The following WIPF2 variants were observed in gnomAD, a reference collection of about 807,000 sequenced individuals.
WIPF2 encodes the protein WAS/WASL interacting protein family member 2, also known as WAS/WASL-interacting protein family member 2.
A neutral mutation model predicts 38.8 loss-of-function variants in WIPF2; 23 were observed. The ratio of observed to expected loss-of-function variants is 0.59; its 90% confidence interval spans 0.43 to 0.84. The LOEUF is 0.84. WIPF2 is among the 40% of genes least tolerant of loss of function. WIPF2 has a pLI of 0.00. For missense variants in WIPF2, 574 were observed against 580.5 expected (o/e 0.99, Z 0.11); for synonymous variants, 210 against 223.2 (o/e 0.94, Z 0.53).
At chr17:40,259,730 G>A (rs1421886324) in intron 2 of WIPF2, among the ~76,000 whole-genome samples, 1 of 152,118 alleles carries the variant, frequency 6.6e-6, no homozygotes, top group Admixed American at 6.6e-5. Flanking sequence ...TTGTTTACTA[G>A]TTGCATGACC....
intron 5 of WIPF2, among the ~76,000 whole-genome samples, chr17:40,265,432 A>C (rs558786316): frequency 2.6e-5 from 4 of 152,194 alleles, no homozygotes; most frequent in Non-Finnish European, 5.9e-5. Context: ...CGGGATGATG[A>C]TATCTTTAAT....
chr17:40,253,493 T>C (rs879401660), intron 1 of WIPF2, among the ~76,000 whole-genome samples: 1 of 152,188 alleles, frequency 6.6e-6, no homozygotes, highest in Non-Finnish European at 1.5e-5. Context: ...ACTTCTTGTG[T>C]TTTCTTTATT....
chr17:40,242,507 C>T (rs1454594572), intron 1 of WIPF2, among the ~76,000 whole-genome samples: 1 of 152,150 alleles, frequency 6.6e-6, no homozygotes, highest in Non-Finnish European at 1.5e-5. Flanking sequence ...TCAAGTGATT[C>T]TCCTGCCTCA....
In WIPF2 at chr17:40,265,038, C is replaced by G. The variant is rs759735569; in HGVS notation, c.862C>G (p.Pro288Ala). 8 of 1,614,088 alleles carry G rather than the reference C, an allele frequency of 5.0e-6. No individual in the cohort carries two copies. The highest frequency in any genetic ancestry group is 6.8e-6 in the Non-Finnish European group (8 of 1,180,032). ...ACACAATTCTTTGCATAGGAAGACA[C>G]CAGGGCCTGTCAGAGGCCTAGCACC... ...QRHNSLHRKT[P>A]GPVRGLAPPP... Residue 288 changes from proline (P) to alanine (A), a missense_variant, in exon 5 of 8, where the codon CCA becomes GCA. Pro to Ala is a conservative substitution (Grantham distance 27, BLOSUM62 -1). Transcript: ENST00000323571.
At chr17:40,259,634 G>A (rs973420624) in intron 2 of WIPF2, among the ~76,000 whole-genome samples, 5 of 152,142 alleles carry the variant, frequency 3.3e-5, no homozygotes, top group Non-Finnish European at 7.4e-5. Flanking sequence ...AGGTTAAATT[G>A]AAGTAATAGG....
chr17:40,237,213 C>CT (rs1397223692), intron 1 of WIPF2, among the ~76,000 whole-genome samples: 3 of 146,270 alleles, frequency 2.1e-5, no homozygotes, highest in African/African-American at 5.0e-5. Context: ...GGTTGGTACT[C>CT]TAATTTTTTT....
rs543483293 is a variant in WIPF2 at position 40,268,854 on chromosome 17, C to T, written c.970+3708C>T. Among the ~76,000 whole-genome samples the T allele has an allele frequency of 4.6e-4, 70 of 152,176 alleles. 1 individual carries two copies. Among genetic ancestry groups the T allele is most frequent in the African/African-American group, 1.6e-3 (66 of 41,518 alleles). The stretch of plus-strand genomic sequence containing the variant: ...CAGATCACTGATTCTCTTTTCTCAC[C>T]GATTCTCTTTTCTCACCTGTAAAAT... On this transcript the variant is annotated intron_variant, in intron 5 of 7. Coordinates refer to ENST00000323571, the MANE Select transcript of WIPF2 (RefSeq NM_133264.5).
chr17:40,271,630 A>G (rs2032249614), intron 5 of WIPF2, among the ~76,000 whole-genome samples: 2 of 152,200 alleles, frequency 1.3e-5, no homozygotes, highest in African/African-American at 4.8e-5. Flanking sequence ...AGTGTGGGAG[A>G]GTAGAAAGAG....
chr17:40,268,842 C>G (rs760274195), intron 5 of WIPF2, among the ~76,000 whole-genome samples: 38 of 152,120 alleles, frequency 2.5e-4, no homozygotes, highest in Admixed American at 1.3e-4. Flanking sequence ...ATCACTGATT[C>G]TCTTTTCTCA....
At chr17:40,237,084 A>G (rs974917348) in intron 1 of WIPF2, among the ~76,000 whole-genome samples, 4 of 151,942 alleles carry the variant, frequency 2.6e-5, no homozygotes, top group African/African-American at 7.3e-5. Context: ...GCTTATTTCA[A>G]TCTATCCTGG....
At position 40,264,620 on chromosome 17, in the gene WIPF2, G is replaced by A. The variant is rs766205832; in HGVS notation, c.444G>A (p.Leu148=). The A allele has an allele frequency of 6.2e-7, 1 of 1,614,072 alleles. No individual in the cohort carries two copies. Among genetic ancestry groups the A allele is most frequent in the South Asian group, 1.1e-5 (1 of 91,090 alleles). Residue 148 remains leucine, a synonymous_variant, in exon 5 of 8, where the codon CTG becomes CTA. Transcript: ENST00000323571. ...TDSSRASLPE[L]PRMQRPSLPD... ...GCAGCCGGGCCTCACTCCCAGAACT[G>A]CCCCGGATGCAGAGACCCTCTTTAC...
intron 1 of WIPF2, among the ~76,000 whole-genome samples, chr17:40,250,229 T>TG (rs2031511954): frequency 8.9e-6 from 1 of 112,188 alleles, no homozygotes; most frequent in Non-Finnish European, 1.9e-5. Flanking sequence ...GTTTTTTTTT[T>TG]TTTTTTTTTT....
intron 1 of WIPF2, among the ~76,000 whole-genome samples, chr17:40,221,608 T>G (rs2030243565): frequency 1.3e-5 from 2 of 148,588 alleles, no homozygotes; most frequent in South Asian, 4.3e-4. Flanking sequence ...TAAGACGGAG[T>G]CTCGCTCTTT....
intron 1 of WIPF2, among the ~76,000 whole-genome samples, chr17:40,235,157 A>G (rs989129705): frequency 6.6e-6 from 1 of 151,758 alleles, no homozygotes; most frequent in Non-Finnish European, 1.5e-5. Context: ...GGCCTCCCAA[A>G]GTGCTGGGAT....
chr17:40,230,261 C>T (rs147481381), intron 1 of WIPF2, among the ~76,000 whole-genome samples: 106 of 152,196 alleles, frequency 7.0e-4, no homozygotes, highest in African/African-American at 2.4e-3. Flanking sequence ...ATCACTTGAG[C>T]CCCAGGAGAG....
At position 40,280,952 on chromosome 17, in the gene WIPF2, T is replaced by G. The variant is rs1183447428; in HGVS notation, c.*2727T>G. 9.8e-5 allele frequency: 15 copies of G among 152,666 alleles called. No homozygotes were observed. Among genetic ancestry groups the G allele is most frequent in the Admixed American group, 9.8e-4 (15 of 15,280 alleles). 9.5% of individuals were successfully genotyped at this position (152,666 alleles called of 1,614,324 possible). A position where few individuals can be genotyped will look rare whatever the true frequency, so the allele number is the denominator to read the frequency against. ...TTTGGTCCCACTGTTAATAATAGAT[T>G]TATTACTATGTATATTTACTATTGA... is the stretch of plus-strand genomic sequence containing the variant. On this transcript the variant is annotated 3_prime_UTR_variant, in exon 8 of 8. Coordinates refer to ENST00000323571, the MANE Select transcript of WIPF2 (RefSeq NM_133264.5).
intron 5 of WIPF2, among the ~76,000 whole-genome samples, chr17:40,269,766 G>A (rs1375398402): frequency 6.7e-6 from 1 of 150,258 alleles, no homozygotes; most frequent in Non-Finnish European, 1.5e-5. Context: ...TACCATACCC[G>A]ACTAATTTTT....
At position 40,262,555 on chromosome 17, in the gene WIPF2, C is replaced by A; in HGVS notation, c.227C>A (p.Ser76Tyr). 1 of 1,614,044 alleles carries A rather than the reference C, an allele frequency of 6.2e-7. No homozygotes were observed. Among genetic ancestry groups the A allele is most frequent in the Non-Finnish European group, 8.5e-7 (1 of 1,179,942 alleles). ...AAAGGAAGCAGTGGTGGCTATGGCT[C>A]TGGAGGAGCTGCCCTGCAGCCCAAG... ...KPKGSSGGYG[S>Y]GGAALQPKGG... Residue 76 changes from serine (S) to tyrosine (Y), a missense_variant, in exon 4 of 8, where the codon TCT becomes TAT. By Grantham distance (144) the Ser-to-Tyr change is moderately radical. Transcript: ENST00000323571.
At chr17:40,271,309 C>G (rs933537316) in intron 5 of WIPF2, among the ~76,000 whole-genome samples, 2 of 152,132 alleles carry the variant, frequency 1.3e-5, no homozygotes, top group African/African-American at 4.8e-5. Flanking sequence ...ACAGTTTTGT[C>G]TGTTAAGCTG....
Sources: allele counts gnomAD v4.1 joint callset (sites outside exome capture counted in the v4.1 genomes callset), GRCh38; gene constraint gnomAD v4.1.1; transcripts MANE v1.5; gene names NCBI Gene and HGNC (gene_info 2026-07-23, HGNC 2026-07-21).